The following SERGEF variants were observed in gnomAD, a reference collection of about 807,000 sequenced individuals.
SERGEF encodes the protein secretion-regulating guanine nucleotide exchange factor.
Under a neutral mutation model 50.0 loss-of-function variants are expected in SERGEF, and 51 were observed. The ratio of observed to expected loss-of-function variants is 1.02; its 90% confidence interval spans 0.81 to 1.29. The LOEUF (loss-of-function observed/expected upper bound fraction) is 1.29. Among genes scored for constraint, SERGEF ranks in the 50% most tolerant of loss-of-function variants. SERGEF has a pLI of 0.00. For missense variants in SERGEF, 521 were observed against 557.0 expected, an observed-to-expected ratio of 0.94 and a Z score of 0.65; for synonymous variants, 205 against 212.4, an observed-to-expected ratio of 0.97 and a Z score of 0.30.
intron 9 of SERGEF, among the ~76,000 whole-genome samples, chr11:17,951,149 G>A (rs991761728): frequency 4.6e-5 from 7 of 152,126 alleles, no homozygotes; most frequent in Admixed American, 2.6e-4. Flanking sequence ...GATCTCAAGC[G>A]ATTAAGACAA....
intron 9 of SERGEF, among the ~76,000 whole-genome samples, chr11:17,882,396 G>T (rs1310270925): frequency 2.2e-5 from 3 of 138,108 alleles, no homozygotes; most frequent in African/African-American, 8.5e-5. Context: ...TTGAGCCTGG[G>T]CAACAGAGCA....
Position 17,878,211 on chromosome 11 carries a change from T to C in SERGEF, c.1045A>G (p.Ile349Val). ...TATCAGTATAAAAATTACTTACCAA[T>C]TATTGCCAAATTATGCTCTGAGCCA... ...SCGSEHNLAI[I>V]GGVCYSWGWN... The change falls in exon 10 of 11, where the codon ATT becomes GTT. Residue 349 changes from isoleucine to valine, a missense_variant. Coordinates refer to ENST00000265965, the MANE Select transcript of SERGEF (RefSeq NM_012139.4). 4 of 1,582,330 alleles carry C rather than the reference T, an allele frequency of 2.5e-6. No homozygotes were observed. Among genetic ancestry groups the C allele is most frequent in the Non-Finnish European group, 3.5e-6 (4 of 1,157,308 alleles).
chr11:17,847,042 G>A (rs1382419267), intron 10 of SERGEF, among the ~76,000 whole-genome samples: 1 of 152,220 alleles, frequency 6.6e-6, no homozygotes, highest in Non-Finnish European at 1.5e-5. Flanking sequence ...CTGGCTGTGC[G>A]AGAAGTGAGC....
chr11:17,792,851 C>A (rs1175885855), intron 10 of SERGEF, among the ~76,000 whole-genome samples: 1 of 152,168 alleles, frequency 6.6e-6, no homozygotes, highest in Non-Finnish European at 1.5e-5. Flanking sequence ...ATAGGAAATA[C>A]TTTAGGTTTG....
chr11:17,988,040 G>A (rs1299657521), intron 8 of SERGEF, among the ~76,000 whole-genome samples: 3 of 152,270 alleles, frequency 2.0e-5, no homozygotes, highest in South Asian at 2.1e-4. Context: ...AGAAATAAAC[G>A]AAGATTCAAG....
intron 10 of SERGEF, among the ~76,000 whole-genome samples, chr11:17,815,957 C>T (rs1849967535): frequency 6.6e-6 from 1 of 152,104 alleles, no homozygotes; most frequent in African/African-American, 2.4e-5. Flanking sequence ...AAACACTGAC[C>T]CTCAAATACT....
At chr11:17,920,135 T>C (rs1388760188) in intron 9 of SERGEF, among the ~76,000 whole-genome samples, 1 of 139,220 alleles carries the variant, frequency 7.2e-6, no homozygotes, top group Non-Finnish European at 1.6e-5. Context: ...TAGTCCTAGC[T>C]ACTCAGGAGG....
At chr11:17,844,858 T>G (rs1026336165) in intron 10 of SERGEF, among the ~76,000 whole-genome samples, 1 of 150,820 alleles carries the variant, frequency 6.6e-6, no homozygotes, top group Non-Finnish European at 1.5e-5. Context: ...GAAGAAGAAT[T>G]GGGCCACACA....
rs545049472 is a variant in SERGEF, at chr11:17,993,081, G to T, written c.623-88C>A. 2.8e-6 allele frequency: 3 copies of T among 1,080,922 alleles called. No homozygotes were observed. In the East Asian group the frequency reaches 7.6e-5, roughly 27 times the overall value. 67.0% of individuals were successfully genotyped at this position (1,080,922 alleles called of 1,614,324 possible). On this transcript the variant is annotated intron_variant, in intron 6 of 10. Coordinates refer to ENST00000265965, the MANE Select transcript of SERGEF (RefSeq NM_012139.4). ...GGCACTCAGCCAGTACCACCTGGGC[G>T]TGGGAGAGACTCAGCCAGTGCAGGC... is the stretch of plus-strand genomic sequence containing the variant.
intron 10 of SERGEF, among the ~76,000 whole-genome samples, chr11:17,808,529 C>T (rs750148839): frequency 4.6e-5 from 7 of 152,216 alleles, no homozygotes; most frequent in African/African-American, 7.2e-5. Flanking sequence ...GATCTGCCCT[C>T]ATGATCCAAT....
chr11:17,980,640 T>G (rs896878493), intron 8 of SERGEF, among the ~76,000 whole-genome samples: 1 of 152,212 alleles, frequency 6.6e-6, no homozygotes, highest in African/African-American at 2.4e-5. Flanking sequence ...TTCTTTTCAC[T>G]TACTATACCA....
intron 9 of SERGEF, among the ~76,000 whole-genome samples, chr11:17,957,940 A>G (rs957172414): frequency 6.6e-6 from 1 of 152,240 alleles, no homozygotes; most frequent in Non-Finnish European, 1.5e-5. Context: ...TACAACTTGT[A>G]GAAGTATGGA....
rs181968414 is a variant in SERGEF at position 17,981,183 on chromosome 11, T to G, written c.844+7414A>C. Among the ~76,000 whole-genome samples the G allele has an allele frequency of 4.6e-5, 7 of 152,350 alleles. No individual in the cohort carries two copies. The East Asian group carries it at 1.3e-3, about 29-fold the overall frequency. The stretch of plus-strand genomic sequence containing the variant: ...TTTTATTCTTCTACTAAATATTTAG[T>G]TGCTCATCCAACCACAAGCTTCCTA... On this transcript the variant is annotated intron_variant, in intron 8 of 10. Coordinates refer to ENST00000265965, the MANE Select transcript of SERGEF (RefSeq NM_012139.4).
chr11:17,890,026 C>CAAAAA (rs59805347), intron 9 of SERGEF, among the ~76,000 whole-genome samples: 54 of 73,728 alleles, frequency 7.3e-4, no homozygotes, highest in Non-Finnish European at 9.6e-4. Context: ...ACACTTCAAC[C>CAAAAA]AAAAAAAAAA....
At chr11:17,864,096 A>C (rs950434215) in intron 10 of SERGEF, among the ~76,000 whole-genome samples, 2 of 152,320 alleles carry the variant, frequency 1.3e-5, no homozygotes, top group South Asian at 4.1e-4. Context: ...AACTTGCTCT[A>C]ATTTTTTGTA....
chr11:17,812,058 C>T (rs913763504), intron 10 of SERGEF, among the ~76,000 whole-genome samples: 50 of 152,276 alleles, frequency 3.3e-4, no homozygotes, highest in Admixed American at 2.9e-3. Context: ...TGGTCCTGCC[C>T]CCCTCCATCT....
intron 9 of SERGEF, among the ~76,000 whole-genome samples, chr11:17,899,823 G>A (rs752817632): frequency 1.3e-5 from 2 of 151,918 alleles, no homozygotes; most frequent in African/African-American, 4.8e-5. Flanking sequence ...AGGCATGGTA[G>A]CACACACCTG....
Position 18,003,081 on chromosome 11 carries a change from T to C in SERGEF, c.447+1360A>G, listed in dbSNP as rs182660080. On this transcript the variant is annotated intron_variant, in intron 4 of 10. Transcript: ENST00000265965. ...GACTACAGAGCCTAGACTTTGTGCA[T>C]ACCATGGGAACCATGACCCGAAATA... Among the ~76,000 whole-genome samples, 197 of 152,298 alleles carry C rather than the reference T, an allele frequency of 1.3e-3. 1 individual carries two copies. Among genetic ancestry groups the C allele is most frequent in the Middle Eastern group, 0.01 (3 of 294 alleles).
At chr11:17,853,589 G>A (rs1192002915) in intron 10 of SERGEF, 1 of 152,210 alleles carries the variant, frequency 6.6e-6, no homozygotes, top group Admixed American at 6.5e-5. Flanking sequence ...TCCTCAGGGA[G>A]ACAGAGCCTT....
Sources: gnomAD v4.1 joint callset for allele counts (sites outside exome capture counted in the v4.1 genomes callset) on GRCh38, gnomAD v4.1.1 for gene constraint, MANE v1.5 for transcripts, NCBI Gene and HGNC (gene_info 2026-07-23, HGNC 2026-07-21) for gene names.